TENM1: variants seen among roughly 807,000 people sequenced by gnomAD.
The protein encoded by TENM1 is teneurin transmembrane protein 1.
In TENM1, 35 loss-of-function variants were observed where a neutral mutation model predicts 174.8. That is an observed-to-expected ratio of 0.20 (90% confidence interval 0.15 to 0.27). The LOEUF (loss-of-function observed/expected upper bound fraction) is 0.27, where lower values mean the gene tolerates loss of function less well. Ranked by LOEUF, TENM1 falls within the 10% of genes least tolerant of loss-of-function variation. TENM1 has a pLI of 1.00. For synonymous variants in TENM1, 781 were observed against 798.7 expected (o/e 0.98, Z 0.37); for missense variants, 1,633 against 2,130.1 (o/e 0.77, Z 4.59).
chrX:124,719,892 G>A (rs377423584), intron 4 of TENM1, among the ~76,000 whole-genome samples: 2 of 111,859 alleles, frequency 1.8e-5, no homozygotes, highest in East Asian at 5.6e-4. Context: ...AGAAATGGCT[G>A]GTTGTAACTT....
chrX:124,965,872 T>TA (rs2058720246), upstream of TENM1, among the ~76,000 whole-genome samples: 1 of 111,452 alleles, frequency 9.0e-6, no homozygotes, highest in Non-Finnish European at 1.9e-5. Flanking sequence ...TGTACTTGGG[T>TA]ATCTAAAAGA....
At chrX:124,566,217 G>A (rs1396481588) in intron 11 of TENM1, among the ~76,000 whole-genome samples, 1 of 112,036 alleles carries the variant, frequency 8.9e-6, no homozygotes, top group Non-Finnish European at 1.9e-5. Flanking sequence ...TGCCAATGAT[G>A]ACAACCAGCT....
chrX:125,150,992 T>C, the TENM1 span, among the ~76,000 whole-genome samples: 1 of 112,510 alleles, frequency 8.9e-6, no homozygotes, highest in Middle Eastern at 4.2e-3. Flanking sequence ...ATCACTTAAA[T>C]GGCACAGTGA....
chrX:124,646,681 A>G lies in TENM1; in HGVS notation c.1681+28T>C, dbSNP rs765494438. Reference sequence around the variant, plus strand: ...TATGAAATCACATCTATTTTCCTAAACCAATCAGAATAACAGAGCAACATT... The same window carrying G: ...TATGAAATCACATCTATTTTCCTAAGCCAATCAGAATAACAGAGCAACATT... On this transcript the variant is annotated intron_variant, in intron 9 of 31. Transcript: ENST00000422452. 3 of 1,053,346 alleles carry G rather than the reference A, an allele frequency of 2.8e-6. No individual in the cohort carries two copies. In the South Asian group the frequency reaches 5.9e-5, roughly 21 times the overall value. 86.8% of individuals were successfully genotyped at this position (1,053,346 alleles called of 1,213,427 possible). A position where few individuals can be genotyped will look rare whatever the true frequency, so the allele number is the denominator to read the frequency against.
At chrX:124,631,250 T>A (rs922470680) in intron 11 of TENM1, among the ~76,000 whole-genome samples, 1 of 111,843 alleles carries the variant, frequency 8.9e-6, no homozygotes, top group African/African-American at 3.2e-5. Context: ...TGAGGCATAT[T>A]TTTTTTAAAA....
upstream of TENM1, among the ~76,000 whole-genome samples, chrX:124,964,647 G>A (rs776865536): frequency 6.3e-5 from 7 of 111,628 alleles, no homozygotes; most frequent in Admixed American, 4.7e-4. Context: ...TACTTAGCAC[G>A]GAGAGTTTCG....
In TENM1 at chrX:124,384,398, C is replaced by T. The variant is rs762426434; in HGVS notation, c.6533G>A (p.Arg2178His). 38 of 1,209,013 alleles carry T rather than the reference C, an allele frequency of 3.1e-5. No homozygotes were observed. The highest frequency in any genetic ancestry group is 8.8e-5 in the South Asian group (5 of 56,707). ...GTTTCCATTCAGATCGTAACTATAA[C>T]GCCACTGGGTTTTGTCATTTACAGA... Residue 2178 changes from arginine to histidine, a missense_variant, in exon 30 of 32, where the codon CGT (arginine) becomes CAT (histidine). Physicochemically the swap from Arg to His is conservative, Grantham distance 29. Transcript: ENST00000422452.
chrX:125,032,401 C>G, the TENM1 span, among the ~76,000 whole-genome samples: 1 of 110,649 alleles, frequency 9.0e-6, no homozygotes, highest in African/African-American at 3.3e-5. Flanking sequence ...AACTCCTGAC[C>G]TTAGGTGATC....
intron 3 of TENM1, among the ~76,000 whole-genome samples, chrX:124,754,136 A>G (rs976678391): frequency 7.2e-5 from 8 of 111,275 alleles, no homozygotes; most frequent in African/African-American, 2.6e-4. Context: ...TTTCGTTGGT[A>G]AGCTATTGAT....
chrX:124,495,945 C>T (rs1367601818), intron 20 of TENM1, among the ~76,000 whole-genome samples: 1 of 101,445 alleles, frequency 9.9e-6, no homozygotes, highest in Admixed American at 1.1e-4. Flanking sequence ...AAGCTGGAGG[C>T]ATCACACTAC....
intron 1 of TENM1, among the ~76,000 whole-genome samples, chrX:124,945,550 T>A (rs1050803386): frequency 9.0e-6 from 1 of 111,196 alleles, no homozygotes; most frequent in Non-Finnish European, 1.9e-5. Flanking sequence ...GTGATGATAA[T>A]TAGTCAGATT....
the TENM1 span, among the ~76,000 whole-genome samples, chrX:125,182,809 G>A: frequency 9.0e-6 from 1 of 111,173 alleles, no homozygotes; most frequent in Non-Finnish European, 1.9e-5. Context: ...TGCTTCTTCT[G>A]GAAAAGAACA....
At position 124,383,647 on chromosome X, in the gene TENM1, T is replaced by C. The variant is rs1437365203; in HGVS notation, c.7284A>G (p.Ala2428=). The change falls in exon 30 of 32, where the codon GCA becomes GCG. Residue 2428 remains alanine (A), a synonymous_variant. Coordinates refer to ENST00000422452, the Ensembl canonical transcript of TENM1. ...TAGTTTAAATACCTGTGGTATACTT[T>C]GCAACATCTTGAATTTTGCCAACTG... is the stretch of plus-strand genomic sequence containing the variant. The C allele has an allele frequency of 3.3e-6, 4 of 1,207,669 alleles. No homozygotes were observed. In the African/African-American group the frequency reaches 5.2e-5, roughly 16 times the overall value.
chrX:124,536,670 C>T (rs893748819), intron 15 of TENM1, among the ~76,000 whole-genome samples: 3 of 111,435 alleles, frequency 2.7e-5, no homozygotes, highest in African/African-American at 6.5e-5. Context: ...AGAAAACTGA[C>T]GACACAGTCA....
rs184486546 is a variant in TENM1 at position 124,390,111 on chromosome X, T to C, written c.5688+1941A>G. 8.0e-5 allele frequency among the ~76,000 whole-genome samples: 9 copies of C among 112,405 alleles called. No individual in the cohort carries two copies. In the Admixed American group the frequency reaches 8.5e-4, roughly 11 times the overall value. ...AGTCTCACCGAGGTTTTTGTTTGTT[T>C]GCTTAGCAATTATTGCCAACTACGT... On this transcript the variant is annotated intron_variant, in intron 28 of 31. Transcript: ENST00000422452.
At chrX:125,074,779 G>A in the TENM1 span, among the ~76,000 whole-genome samples, 4 of 110,584 alleles carry the variant, frequency 3.6e-5, no homozygotes, top group African/African-American at 1.3e-4. Context: ...CTCTCTCCAG[G>A]CCACTGCCCA....
chrX:124,524,759 G>A (rs1027660641), intron 16 of TENM1, among the ~76,000 whole-genome samples: 3 of 104,029 alleles, frequency 2.9e-5, no homozygotes, highest in African/African-American at 1.2e-4. Flanking sequence ...GAGCTGAACA[G>A]ATTCAGATTT....
chrX:124,884,829 C>T (rs180753129), intron 3 of TENM1, among the ~76,000 whole-genome samples: 28 of 111,723 alleles, frequency 2.5e-4, no homozygotes, highest in South Asian at 7.6e-4. Flanking sequence ...CTTAACGACA[C>T]GGATACAATT....
chrX:124,448,333 A>C (rs1275578715), intron 23 of TENM1, among the ~76,000 whole-genome samples: 1 of 111,302 alleles, frequency 9.0e-6, no homozygotes, highest in Non-Finnish European at 1.9e-5. Flanking sequence ...GTCCCTTGGA[A>C]AGGGGCTGAT....
Sources: allele counts gnomAD v4.1 joint callset (sites outside exome capture counted in the v4.1 genomes callset), GRCh38; gene constraint gnomAD v4.1.1; transcripts MANE v1.5; gene names NCBI Gene and HGNC (gene_info 2026-07-23, HGNC 2026-07-21).